ZNF829: variants seen among roughly 807,000 people sequenced by gnomAD.
ZNF829 encodes zinc finger protein 829.
A neutral mutation model predicts 35.2 loss-of-function variants in ZNF829; 25 were observed. That is an observed-to-expected ratio of 0.71 (90% CI 0.52 to 0.99). ZNF829 has a LOEUF of 0.99. Ranked by LOEUF, ZNF829 falls within the 50% of genes least tolerant of loss-of-function variation. The probability of loss-of-function intolerance (pLI) is 0.00; values close to 1 mark genes in which losing one functional copy is unlikely to be tolerated. For missense variants in ZNF829, 417 were observed against 515.3 expected (o/e 0.81, Z 1.85); for synonymous variants, 136 against 163.2 (o/e 0.83, Z 1.27).
chr19:36,900,143 TAAAC>T (rs2073150687), intron 5 of ZNF829, among the ~76,000 whole-genome samples: 2 of 90,696 alleles, frequency 2.2e-5, no homozygotes, highest in Admixed American at 1.3e-4. Context: ...CTGTCTCTAC[TAAAC>T]ACACACACAC....
Position 36,891,908 on chromosome 19 carries a change from G to T in ZNF829, c.883C>A (p.Pro295Thr). The T allele has an allele frequency of 2.5e-6, 4 of 1,613,950 alleles. No individual in the cohort carries two copies. The highest frequency in any genetic ancestry group is 3.4e-6 in the Non-Finnish European group (4 of 1,179,978). ...TTCCCACATTCTTTACATTCATAAG[G>T]TTTCTCACCAGTATGAATTCTCAGA... ...LHLRIHTGEKPYECKECGKAF... is the reference protein window; with the variant it reads ...LHLRIHTGEKTYECKECGKAF... The change falls in exon 6 of 6, where the codon CCT becomes ACT. Residue 295 changes from proline to threonine, a missense_variant. Coordinates refer to ENST00000391711, the MANE Select transcript of ZNF829 (RefSeq NM_001037232.4).
rs777277986 is a variant in ZNF829 at position 36,915,957 on chromosome 19, C to G, written c.-85+54G>C. The G allele has an allele frequency of 5.2e-6, 8 of 1,532,860 alleles. No homozygotes were observed. In the South Asian group the frequency reaches 6.0e-5, roughly 11 times the overall value. 95.0% of individuals were successfully genotyped at this position (1,532,860 alleles called of 1,614,324 possible). On this transcript the variant is annotated intron_variant, in intron 1 of 5. Coordinates refer to ENST00000391711, the MANE Select transcript of ZNF829 (RefSeq NM_001037232.4). ...TCACCTAAGCCCTTTCCAGTCATCCCGGATGGGAACTTGCAGACCTGAGCC... is the reference window on the plus strand; with the variant it reads ...TCACCTAAGCCCTTTCCAGTCATCCGGGATGGGAACTTGCAGACCTGAGCC...
intron 5 of ZNF829, 40 bp from the exon 6 acceptor site, chr19:36,892,511 G>A: frequency 6.6e-7 from 1 of 1,516,390 alleles, no homozygotes; most frequent in Non-Finnish European, 8.7e-7. Context: ...TTCCTATTCT[G>A]GGCAAGTTAA....
Position 36,916,009 on chromosome 19 carries a change from A to C in ZNF829, c.-85+2T>G, listed in dbSNP as rs1600749773. 2,062 of 1,295,180 alleles carry C rather than the reference A, an allele frequency of 1.6e-3. No individual in the cohort carries two copies. The highest frequency in any genetic ancestry group is 2.0e-3 in the Non-Finnish European group (1,889 of 952,226). 80.2% of individuals were successfully genotyped at this position (1,295,180 alleles called of 1,614,324 possible). On this transcript the variant is annotated splice_donor_variant, in intron 1 of 5. Transcript: ENST00000391711. LOFTEE classifies it low-confidence loss of function (5UTR_SPLICE). The surrounding 1 kb of genome is among the most constrained non-coding windows in gnomAD (Gnocchi z 5.3). ...GTTCTCCTGGGGACCAAAATATCTC[A>C]CCTCCCAGATCTAAGGGTCCCGCCA...
At position 36,908,450 on chromosome 19, in the gene ZNF829, T is replaced by G; in HGVS notation, c.106A>C (p.Met36Leu). Residue 36 changes from methionine (M) to leucine (L), a missense_variant, in exon 4 of 6, where the codon ATG (methionine) becomes CTG (leucine). Transcript: ENST00000391711. ...AAGTCTATGGAAACATCCCTGAACA[T>G]CACCGGCCCCTGAAACAACAAACAT... ...LLQAVSKGPV[M>L]FRDVSIDFSQ... is the part of the protein sequence containing the mutation. 1 of 1,597,800 alleles carries G rather than the reference T, an allele frequency of 6.3e-7. No homozygotes were observed. The highest frequency in any genetic ancestry group is 8.5e-7 in the Non-Finnish European group (1 of 1,173,572).
chr19:36,906,125 A>C (rs373350443), intron 5 of ZNF829: 1 of 152,212 alleles, frequency 6.6e-6, no homozygotes, highest in East Asian at 1.9e-4. Context: ...GTAAAACAAT[A>C]AAGCTACTAG....
At chr19:36,907,764 G>C in intron 5 of ZNF829, 165 bp downstream of exon 5, 1 of 552,572 alleles carries the variant, frequency 1.8e-6, no homozygotes, top group South Asian at 2.3e-5. Flanking sequence ...ATTGTAGCCA[G>C]GGAGGTACTT....
chr19:36,897,567 T>C (rs2073124607), intron 5 of ZNF829, among the ~76,000 whole-genome samples: 1 of 152,042 alleles, frequency 6.6e-6, no homozygotes, highest in Admixed American at 6.6e-5. Flanking sequence ...AAAGACCATA[T>C]ATGACAAACG....
At chr19:36,910,764 T>C (rs1008052242) in intron 3 of ZNF829, among the ~76,000 whole-genome samples, 1 of 152,152 alleles carries the variant, frequency 6.6e-6, no homozygotes, top group African/African-American at 2.4e-5. Context: ...TCCAGCACTT[T>C]GGGAAGCCAA....
At chr19:36,895,460 AG>A (rs2073103548) in intron 5 of ZNF829, among the ~76,000 whole-genome samples, 1 of 152,202 alleles carries the variant, frequency 6.6e-6, no homozygotes, top group South Asian at 2.1e-4. Flanking sequence ...GGAAAGAAAA[AG>A]GATATAAAAC....
Position 36,891,771 on chromosome 19 carries a change from A to G in ZNF829, c.1020T>C (p.Thr340=). 1 of 1,614,180 alleles carries G rather than the reference A, an allele frequency of 6.2e-7. No individual in the cohort carries two copies. Among genetic ancestry groups the G allele is most frequent in the Non-Finnish European group, 8.5e-7 (1 of 1,180,028 alleles). The change falls in exon 6 of 6, where the codon ACT becomes ACC. Residue 340 remains threonine, a synonymous_variant. Transcript: ENST00000391711. Reference sequence around the variant, plus strand: ...CACCAGCATGAATTCTGTGATGGTTAGTAAGTGTTGAGGCACTATTAAAGG... The same window carrying G: ...CACCAGCATGAATTCTGTGATGGTTGGTAAGTGTTGAGGCACTATTAAAGG... ...GKAFNSASTL[T]NHHRIHAGEK... is the part of the protein sequence containing the mutation.
At chr19:36,915,354 T>A (rs2073307679) in intron 1 of ZNF829, 103 bp from the exon 2 acceptor site, 1 of 1,404,102 alleles carries the variant, frequency 7.1e-7, no homozygotes. Context: ...TAAGGCGACA[T>A]GCACGTCTCA....
At chr19:36,904,589 G>A (rs1200742737) in intron 5 of ZNF829, among the ~76,000 whole-genome samples, 3 of 152,060 alleles carry the variant, frequency 2.0e-5, no homozygotes, top group Non-Finnish European at 2.9e-5. Flanking sequence ...TAGTAGAGAC[G>A]GGGTTTTGCC....
chr19:36,916,038 G>T lies in ZNF829; in HGVS notation c.-112C>A. ...CCCAGATCTAAGGGTCCCGCCAGGA[G>T]TGACGAAACGTTCGAATTCCTGCGA... On this transcript the variant is annotated 5_prime_UTR_variant, in exon 1 of 6. Transcript: ENST00000391711. The surrounding 1 kb of genome is among the most constrained non-coding windows in gnomAD (Gnocchi z 5.3). 2 of 1,072,808 alleles carry T rather than the reference G, an allele frequency of 1.9e-6. No individual in the cohort carries two copies. Among genetic ancestry groups the T allele is most frequent in the Non-Finnish European group, 2.6e-6 (2 of 772,812 alleles). The allele number at this position is 1,072,808 out of a possible 1,614,324, so 66.5% of individuals were successfully genotyped here.
intron 5 of ZNF829, 88 bp downstream of exon 5, chr19:36,907,841 C>T (rs974106556): frequency 3.5e-6 from 4 of 1,135,938 alleles, no homozygotes; most frequent in Non-Finnish European, 2.5e-6. Flanking sequence ...ATGGAAGAGG[C>T]TTCAGGCCTT....
In ZNF829 at chr19:36,908,376, G is replaced by A. The variant is rs1265808644; in HGVS notation, c.180C>T (p.Tyr60=). 6.2e-7 allele frequency: 1 copy of A among 1,613,526 alleles called. No individual in the cohort carries two copies. Among genetic ancestry groups the A allele is most frequent in the Admixed American group, 1.7e-5 (1 of 59,964 alleles). ...TGAAATTCTCCAACATCACTTCTTT[G>A]TATAAATTCATCTGATCAGCGTCCA... is the stretch of plus-strand genomic sequence containing the variant. ...ECLDADQMNL[Y]KEVMLENFSN... Residue 60 remains tyrosine (Y), a synonymous_variant, in exon 4 of 6, where the codon TAC becomes TAT. Transcript: ENST00000391711.
rs187959097 is a variant in ZNF829 at position 36,915,807 on chromosome 19, G to A, written c.-85+204C>T. 218 of 1,499,622 alleles carry A rather than the reference G, an allele frequency of 1.5e-4. 15 individuals are homozygous for A. The highest frequency in any genetic ancestry group is 9.3e-4 in the East Asian group (38 of 40,678). The allele number at this position is 1,499,622 out of a possible 1,614,324, so 92.9% of individuals were successfully genotyped here. ...AGATGGGGTTTCACCATGTTGGCCA[G>A]GATGGTCTCGATCTCTTGACCTCGT... On this transcript the variant is annotated intron_variant, in intron 1 of 5. Transcript: ENST00000391711.
chr19:36,911,633 G>A (rs1490704438), intron 3 of ZNF829, among the ~76,000 whole-genome samples: 2 of 152,120 alleles, frequency 1.3e-5, no homozygotes, highest in Non-Finnish European at 2.9e-5. Context: ...CAATTGATAG[G>A]AGAAATGAGG....
Position 36,908,034 on chromosome 19 carries a change from A to C in ZNF829, c.224-10T>G. 7 of 1,612,038 alleles carry C rather than the reference A, an allele frequency of 4.3e-6. No individual in the cohort carries two copies. Among genetic ancestry groups the C allele is most frequent in the Non-Finnish European group, 5.9e-6 (7 of 1,178,942 alleles). On this transcript the variant is annotated splice_polypyrimidine_tract_variant and intron_variant, in intron 4 of 5. Transcript: ENST00000391711. ...TTAGAATTGGAAAGTCCTGTTCACA[A>C]GAAAAGACATGGGACATGGTTATGC... is the stretch of plus-strand genomic sequence containing the variant.
Sources: gnomAD v4.1 joint callset for allele counts (sites outside exome capture counted in the v4.1 genomes callset) on GRCh38, gnomAD v4.1.1 for gene constraint, Gnocchi (gnomAD v3.1) non-coding constraint, MANE v1.5 for transcripts, NCBI Gene and HGNC (gene_info 2026-07-23, HGNC 2026-07-21) for gene names.